GPBP1: variants seen among roughly 807,000 people sequenced by gnomAD.
GPBP1 encodes GC-rich promoter binding protein 1.
In GPBP1, 13 loss-of-function variants were observed where a neutral mutation model predicts 56.5. The observed-to-expected ratio is 0.23, with a 90% confidence interval of 0.15 to 0.37. GPBP1 has a LOEUF of 0.37. GPBP1 is among the 10% of genes least tolerant of loss of function. The pLI is 1.00. For missense variants in GPBP1, 477 were observed against 572.3 expected (o/e 0.83, Z 1.70); for synonymous variants, 204 against 188.9 (o/e 1.08, Z -0.66).
At chr5:57,250,587 G>A (rs1430656398) in intron 9 of GPBP1, among the ~76,000 whole-genome samples, 3 of 148,142 alleles carry the variant, frequency 2.0e-5, no homozygotes, top group South Asian at 2.1e-4. Context: ...CTTGTCTGGA[G>A]TATAGTGTAC....
At chr5:57,223,864 C>T (rs997832312) in intron 3 of GPBP1, among the ~76,000 whole-genome samples, 24 of 151,404 alleles carry the variant, frequency 1.6e-4, no homozygotes, top group African/African-American at 4.1e-4. Flanking sequence ...GATGGAGTCT[C>T]GCTCTTTCCC....
intron 6 of GPBP1, chr5:57,237,058 TGAA>T (rs143871035): frequency 0.016 from 19,551 of 1,242,792 alleles, 499 homozygotes; most frequent in East Asian, 0.13. Context: ...TAGAACCATG[TGAA>T]TGGCATTGTT....
chr5:57,180,998 A>G (rs778442840), intron 2 of GPBP1, among the ~76,000 whole-genome samples: 16 of 152,180 alleles, frequency 1.1e-4, no homozygotes, highest in Non-Finnish European at 2.1e-4. Context: ...CACCTCAACA[A>G]ATTTAAATAT....
At chr5:57,192,675 C>T (rs920735792) in intron 2 of GPBP1, among the ~76,000 whole-genome samples, 1 of 144,648 alleles carries the variant, frequency 6.9e-6, no homozygotes, top group Non-Finnish European at 1.5e-5. Context: ...ATCGCTTGAA[C>T]CTGGGAGGCG....
intron 6 of GPBP1, among the ~76,000 whole-genome samples, chr5:57,241,984 AAATT>A (rs1424176863): frequency 6.6e-6 from 1 of 152,212 alleles, no homozygotes; most frequent in Non-Finnish European, 1.5e-5. Flanking sequence ...TACATGATGC[AAATT>A]AATTCTTGCC....
At chr5:57,183,751 C>T (rs188406877) in intron 2 of GPBP1, among the ~76,000 whole-genome samples, 32 of 146,772 alleles carry the variant, frequency 2.2e-4, no homozygotes, top group African/African-American at 6.7e-4. Context: ...TTTTTTAATA[C>T]GGGGGGGATA....
chr5:57,190,694 CTTTTTTTTTT>C (rs773540051), intron 2 of GPBP1, among the ~76,000 whole-genome samples: 76 of 68,868 alleles, frequency 1.1e-3, no homozygotes, highest in African/African-American at 3.4e-3. Context: ...TTGCTGTTAG[CTTTTTTTTTT>C]TTTTTTTTTT....
chr5:57,199,127 G>A (rs1228902589), intron 2 of GPBP1, among the ~76,000 whole-genome samples: 1 of 152,090 alleles, frequency 6.6e-6, no homozygotes, highest in African/African-American at 2.4e-5. Flanking sequence ...TGTTCTTTCA[G>A]AATACTACTA....
intron 6 of GPBP1, among the ~76,000 whole-genome samples, chr5:57,236,672 AT>A (rs1365410404): frequency 1.3e-5 from 2 of 152,182 alleles, no homozygotes; most frequent in African/African-American, 4.8e-5. Context: ...CTGAACTCAT[AT>A]AGTACAATTT....
At chr5:57,189,102 A>G (rs1285283796) in intron 2 of GPBP1, among the ~76,000 whole-genome samples, 1 of 151,996 alleles carries the variant, frequency 6.6e-6, no homozygotes, top group Non-Finnish European at 1.5e-5. Context: ...CTGGGATTAC[A>G]GGCATGCACC....
At chr5:57,184,840 A>G (rs1754215050) in intron 2 of GPBP1, among the ~76,000 whole-genome samples, 1 of 152,122 alleles carries the variant, frequency 6.6e-6, no homozygotes, top group Non-Finnish European at 1.5e-5. Context: ...CCTATTGGGT[A>G]TTTTCCGGAA....
chr5:57,181,167 C>CTT (rs1228712774), intron 2 of GPBP1, among the ~76,000 whole-genome samples: 2 of 152,052 alleles, frequency 1.3e-5, no homozygotes, highest in Non-Finnish European at 2.9e-5. Context: ...GACTGTCTCT[C>CTT]TACAAAACAT....
rs957538421 is a variant in GPBP1 at position 57,193,528 on chromosome 5, C to T, written c.-58+17128C>T. Among the ~76,000 whole-genome samples, 10 of 146,650 alleles carry T rather than the reference C, an allele frequency of 6.8e-5. No individual in the cohort carries two copies. The Middle Eastern group carries it at 0.015, about 214-fold the overall frequency. On this transcript the variant is annotated intron_variant, in intron 2 of 11. Coordinates refer to ENST00000506184, the MANE Select transcript of GPBP1 (RefSeq NM_022913.4). ...GCTTGCGGGGCTGAGGTGGGAAGAT[C>T]GCTTGAGCCCAGGAGGTGGAGGTTG...
chr5:57,234,061 C>T (rs1202676032), intron 5 of GPBP1, among the ~76,000 whole-genome samples: 5 of 151,966 alleles, frequency 3.3e-5, no homozygotes, highest in South Asian at 4.1e-4. Flanking sequence ...ATGTAACCAC[C>T]GCCAAAATCT....
At chr5:57,192,135 A>T (rs1452732730) in intron 2 of GPBP1, among the ~76,000 whole-genome samples, 1 of 152,228 alleles carries the variant, frequency 6.6e-6, no homozygotes, top group Non-Finnish European at 1.5e-5. Flanking sequence ...AGGCTGTTTC[A>T]GGTGAGTATC....
intron 2 of GPBP1, among the ~76,000 whole-genome samples, chr5:57,197,573 G>A (rs1028762881): frequency 8.6e-5 from 13 of 152,036 alleles, no homozygotes; most frequent in African/African-American, 2.9e-4. Flanking sequence ...TGGCCAGGCT[G>A]GTCTAGAACT....
intron 5 of GPBP1, among the ~76,000 whole-genome samples, chr5:57,232,387 C>T (rs1756498125): frequency 6.6e-6 from 1 of 152,212 alleles, no homozygotes; most frequent in African/African-American, 2.4e-5. Flanking sequence ...TCTTAATTAT[C>T]TGCTAGCTGT....
chr5:57,219,475 A>G (rs903499877), intron 3 of GPBP1, among the ~76,000 whole-genome samples: 4 of 151,724 alleles, frequency 2.6e-5, no homozygotes, highest in African/African-American at 9.7e-5. Flanking sequence ...AAATTTAAAA[A>G]AAAAGGTACT....
At position 57,235,958 on chromosome 5, in the gene GPBP1, T is replaced by C. The variant is rs751763578; in HGVS notation, c.412-8T>C. 5 of 1,599,064 alleles carry C rather than the reference T, an allele frequency of 3.1e-6. No homozygotes were observed. The South Asian group carries it at 5.5e-5, about 18-fold the overall frequency. ...AAATGTGAAATGTTTATTCCAACTT[T>C]CTTCCAGCCGTCTTTAAATCCTGAG... is the stretch of plus-strand genomic sequence containing the variant. On this transcript the variant is annotated splice_polypyrimidine_tract_variant and splice_region_variant and intron_variant, in intron 5 of 11. Coordinates refer to ENST00000506184, the MANE Select transcript of GPBP1 (RefSeq NM_022913.4).
Sources: gnomAD v4.1 joint callset for allele counts (sites outside exome capture counted in the v4.1 genomes callset) on GRCh38, gnomAD v4.1.1 for gene constraint, MANE v1.5 for transcripts, NCBI Gene and HGNC (gene_info 2026-07-23, HGNC 2026-07-21) for gene names.